ENPP5: variants seen among roughly 807,000 people sequenced by gnomAD.
The protein encoded by ENPP5 is ectonucleotide pyrophosphatase/phosphodiesterase family member 5, also known as E-NPP 5.
A neutral mutation model predicts 33.7 loss-of-function variants in ENPP5; 27 were observed. That is an observed-to-expected ratio of 0.80 (90% CI 0.59 to 1.11). The LOEUF is 1.11. Among genes scored for constraint, ENPP5 ranks in the 50% least tolerant of loss-of-function variants. The probability of loss-of-function intolerance (pLI) is 0.00; values close to 1 mark genes in which losing one functional copy is unlikely to be tolerated. For missense variants in ENPP5, 552 were observed against 579.2 expected (o/e 0.95, Z 0.48); for synonymous variants, 199 against 200.5 (o/e 0.99, Z 0.06).
rs372833762 is a variant in ENPP5 at position 46,161,560 on chromosome 6, A to T, written c.1200T>A (p.Asn400Lys). 6.2e-7 allele frequency: 1 copy of T among 1,614,106 alleles called. No individual in the cohort carries two copies. Among genetic ancestry groups the T allele is most frequent in the Non-Finnish European group, 8.5e-7 (1 of 1,179,964 alleles). ...GSFWNVQDLL[N>K]SAMPRVVPYT... ...AAGGGACCACCCTTGGCATTGCTGA[A>T]TTGAGCAGATCCTGGACATTCCAGA... The change falls in exon 5 of 5, where the codon AAT becomes AAA. Residue 400 changes from asparagine (N) to lysine (K), a missense_variant. Physicochemically the swap from Asn to Lys is moderately conservative, Grantham distance 94. Transcript: ENST00000371383.
chr6:46,165,383 TCA>T lies in ENPP5; in HGVS notation c.1006+2_1006+3del. ...AATGGAAAGAAATACTGTAACATAC[TCA>T]CACAGAAAGTCATCTGACTTATTCT... On this transcript the variant is annotated splice_donor_variant and splice_donor_region_variant and intron_variant, in intron 4 of 4. Coordinates refer to ENST00000371383, the MANE Select transcript of ENPP5 (RefSeq NM_001290072.2). LOFTEE classifies it high-confidence loss of function. 1 of 1,557,900 alleles carries T rather than the reference TCA, an allele frequency of 6.4e-7. No homozygotes were observed.
At chr6:46,165,288 T>TA in intron 4 of ENPP5, 99 bp downstream of exon 4, 1 of 934,630 alleles carries the variant, frequency 1.1e-6, no homozygotes, top group Non-Finnish European at 1.5e-6. Flanking sequence ...TAACAGACAG[T>TA]AAAAATATCA....
intron 4 of ENPP5, among the ~76,000 whole-genome samples, chr6:46,164,741 T>TTTA (rs1216895918): frequency 6.6e-6 from 1 of 150,432 alleles, no homozygotes; most frequent in African/African-American, 2.4e-5. Context: ...TTTTTTTTTT[T>TTTA]GCTTTTTTTT....
At chr6:46,164,535 A>T (rs2127497451) in intron 4 of ENPP5, among the ~76,000 whole-genome samples, 1 of 152,268 alleles carries the variant, frequency 6.6e-6, no homozygotes, top group South Asian at 2.1e-4. Context: ...GAGGTGACCA[A>T]TCTATTGTGT....
chr6:46,167,335 T>C (rs969772539), intron 3 of ENPP5, 99 bp downstream of exon 3: 6 of 763,580 alleles, frequency 7.9e-6, no homozygotes, highest in Non-Finnish European at 1.3e-5. Flanking sequence ...ACAGGCAAAG[T>C]CTACTTTAAA....
chr6:46,163,945 T>C (rs1258725125), intron 4 of ENPP5, among the ~76,000 whole-genome samples: 1 of 152,128 alleles, frequency 6.6e-6, no homozygotes, highest in African/African-American at 2.4e-5. Context: ...AAAAATCAAT[T>C]CAAGATGGAT....
rs60483260 is a variant in ENPP5, at chr6:46,166,447, A to ATTTT, written c.830-888_830-885dup. Among the ~76,000 whole-genome samples, 642 of 120,092 alleles carry ATTTT rather than the reference A, an allele frequency of 5.3e-3. 13 individuals carry two copies. The highest frequency in any genetic ancestry group is 7.5e-3 in the Non-Finnish European group (445 of 59,226). The allele number at this position is 120,092 out of a possible 152,430, so 78.8% of individuals were successfully genotyped here. ...CAGGCATGTGTCACCACACCAGGCT[A>ATTTT]TTTTTTTTTTTTTTTTTTTTAGCAA... On this transcript the variant is annotated intron_variant, in intron 3 of 4. Coordinates refer to ENST00000371383, the MANE Select transcript of ENPP5 (RefSeq NM_001290072.2).
At position 46,160,309 on chromosome 6, in the gene ENPP5, T is replaced by G. The variant is rs972345926; in HGVS notation, c.*1017A>C. 3.3e-5 allele frequency: 5 copies of G among 152,226 alleles called. No homozygotes were observed. Among genetic ancestry groups the G allele is most frequent in the Admixed American group, 6.5e-5 (1 of 15,288 alleles). 9.4% of individuals were successfully genotyped at this position (152,226 alleles called of 1,614,324 possible). A position where few individuals can be genotyped will look rare whatever the true frequency, so the allele number is the denominator to read the frequency against. On this transcript the variant is annotated 3_prime_UTR_variant, in exon 5 of 5. Coordinates refer to ENST00000371383, the MANE Select transcript of ENPP5 (RefSeq NM_001290072.2). ...CCAATATTTTACCTAATATGGTTTG[T>G]GCTCTTTCGCAACTTTGAATCTTCA... is the stretch of plus-strand genomic sequence containing the variant.
chr6:46,166,476 A>G (rs9472712), intron 3 of ENPP5, among the ~76,000 whole-genome samples: 84,023 of 141,012 alleles, frequency 0.6, 25,599 homozygotes, highest in Middle Eastern at 0.81. Context: ...TTAGCAACAG[A>G]GTCTTGCTAT....
chr6:46,162,108 G>T lies in ENPP5; in HGVS notation c.1007-355C>A, dbSNP rs150272138. Among the ~76,000 whole-genome samples, 282 of 152,196 alleles carry T rather than the reference G, an allele frequency of 1.9e-3. 1 individual carries two copies. The highest frequency in any genetic ancestry group is 6.5e-3 in the African/African-American group (269 of 41,516). On this transcript the variant is annotated intron_variant, in intron 4 of 4. Transcript: ENST00000371383. ...GTAATATTCAGCAAATACTTATGGG[G>T]TACCTACTATGTTCCAATTATTATT...
chr6:46,167,906 T>C lies in ENPP5; in HGVS notation c.357A>G (p.Glu119=), dbSNP rs1764603383. The change falls in exon 3 of 5, where the codon GAA becomes GAG. Residue 119 remains glutamate, a synonymous_variant. Transcript: ENST00000371383. ...MNIYDSKFWE[E]ATPIWITNQR... ...GGTTTGTGATCCATATTGGTGTCGCTTCTTCCCAAAACTTGGAATCATAAA... is the reference window on the plus strand; with the variant it reads ...GGTTTGTGATCCATATTGGTGTCGCCTCTTCCCAAAACTTGGAATCATAAA... The C allele has an allele frequency of 1.9e-6, 3 of 1,614,098 alleles. No individual in the cohort carries two copies. Among genetic ancestry groups the C allele is most frequent in the Non-Finnish European group, 2.5e-6 (3 of 1,180,050 alleles).
rs781426541 is a variant in ENPP5, at chr6:46,165,529, G to A, written c.864C>T (p.His288=). 24 of 1,601,440 alleles carry A rather than the reference G, an allele frequency of 1.5e-5. No homozygotes were observed. The Admixed American group carries it at 2.8e-4, about 19-fold the overall frequency. ...TGTAAACAGTAAGATTAGGATGAGC[G>A]TGAGTTAGTGCTTCATAGACTTCAT... ...KFDEVYEALT[H]AHPNLTVYKK... is the part of the protein sequence containing the mutation. Residue 288 remains histidine, a synonymous_variant, in exon 4 of 5, where the codon CAC becomes CAT. Transcript: ENST00000371383.
At chr6:46,166,227 CCTCT>C (rs1164322098) in intron 3 of ENPP5, among the ~76,000 whole-genome samples, 2 of 150,992 alleles carry the variant, frequency 1.3e-5, no homozygotes, top group Non-Finnish European at 3.0e-5. Context: ...TTCCCTCCCT[CCTCT>C]CTCTCTCTTT....
Position 46,161,379 on chromosome 6 carries a change from G to A in ENPP5, c.1381C>T (p.Pro461Ser), listed in dbSNP as rs1764387569. The A allele has an allele frequency of 1.2e-6, 2 of 1,613,620 alleles. No homozygotes were observed. Among genetic ancestry groups the A allele is most frequent in the Non-Finnish European group, 1.7e-6 (2 of 1,179,674 alleles). ...FIKHLIHSQI[P>S]ALQDMHAEIA... is the part of the protein sequence containing the mutation. The stretch of plus-strand genomic sequence containing the variant: ...TCAGCATGCATATCTTGTAAGGCAG[G>A]TATTTGACTGTGAATTAAATGCTTA... The change falls in exon 5 of 5, where the codon CCT becomes TCT. Residue 461 changes from proline (P) to serine (S), a missense_variant. By Grantham distance (74) the Pro-to-Ser change is moderately conservative. Coordinates refer to ENST00000371383, the MANE Select transcript of ENPP5 (RefSeq NM_001290072.2).
In ENPP5 at chr6:46,161,699, G is replaced by T; in HGVS notation, c.1061C>A (p.Ala354Asp). 2 of 1,613,440 alleles carry T rather than the reference G, an allele frequency of 1.2e-6. No individual in the cohort carries two copies. The highest frequency in any genetic ancestry group is 8.5e-7 in the Non-Finnish European group (1 of 1,179,894). ...ATTCTTTCTGAAGGCAGGACCATGG[G>T]CTAAAAATATTGGATGCATATCTGC... Reference protein sequence around the residue: ...ALADMHPIFLAHGPAFRKNFS... With the variant: ...ALADMHPIFLDHGPAFRKNFS... Residue 354 changes from alanine to aspartate, a missense_variant, in exon 5 of 5, where the codon GCC (alanine) becomes GAC (aspartate). Physicochemically the swap from Ala to Asp is moderately radical, Grantham distance 126 (BLOSUM62 -2). Transcript: ENST00000371383.
At chr6:46,168,964 GAACTA>G (rs758719244) in intron 2 of ENPP5, among the ~76,000 whole-genome samples, 3 of 149,964 alleles carry the variant, frequency 2.0e-5, no homozygotes, top group Admixed American at 6.6e-5. Flanking sequence ...AGCATTCGTT[GAACTA>G]AATAATTAGA....
intron 2 of ENPP5, among the ~76,000 whole-genome samples, chr6:46,169,481 C>G (rs903646758): frequency 6.6e-6 from 1 of 152,110 alleles, no homozygotes; most frequent in East Asian, 1.9e-4. Context: ...CAACTTCCGC[C>G]TTCCGTGTTC....
At chr6:46,161,840 G>T in intron 4 of ENPP5, 87 bp from the exon 5 acceptor site, 1 of 916,980 alleles carries the variant, frequency 1.1e-6, no homozygotes. Flanking sequence ...GAACTTAAAT[G>T]CACATCTTAT....
At position 46,161,583 on chromosome 6, in the gene ENPP5, A is replaced by C; in HGVS notation, c.1177T>G (p.Trp393Gly). The C allele has an allele frequency of 6.2e-7, 1 of 1,614,128 alleles. No homozygotes were observed. Among genetic ancestry groups the C allele is most frequent in the South Asian group, 1.1e-5 (1 of 91,080 alleles). The change falls in exon 5 of 5, where the codon TGG (tryptophan) becomes GGG (glycine). Residue 393 changes from tryptophan to glycine, a missense_variant. Coordinates refer to ENST00000371383, the MANE Select transcript of ENPP5 (RefSeq NM_001290072.2). ...ITAMPHNGSF[W>G]NVQDLLNSAM... Reference sequence around the variant, plus strand: ...GAATTGAGCAGATCCTGGACATTCCAGAATGATCCATTGTGTGGCATGGCG... The same window carrying C: ...GAATTGAGCAGATCCTGGACATTCCCGAATGATCCATTGTGTGGCATGGCG...
Sources: gnomAD v4.1 joint callset for allele counts (sites outside exome capture counted in the v4.1 genomes callset) on GRCh38, gnomAD v4.1.1 for gene constraint, MANE v1.5 for transcripts, NCBI Gene and HGNC (gene_info 2026-07-23, HGNC 2026-07-21) for gene names.